Variants in MYC observed in about 807,000 individuals in gnomAD.
The protein encoded by MYC is MYC proto-oncogene, bHLH transcription factor, also known as myc proto-oncogene protein.
A neutral mutation model predicts 30.5 loss-of-function variants in MYC; 1 was observed. The observed-to-expected ratio is 0.03, with a 90% CI of 0.01 to 0.16. The LOEUF (loss-of-function observed/expected upper bound fraction) is 0.16. MYC is among the 10% of genes least tolerant of loss of function. The pLI is 1.00. For synonymous variants in MYC, 267 were observed against 250.7 expected (o/e 1.07, Z -0.62); for missense variants, 508 against 589.0 (o/e 0.86, Z 1.42).
chr8:127,740,297 T>G, intron 2 of MYC, 99 bp from the exon 3 acceptor site: 1 of 1,265,358 alleles, frequency 7.9e-7, no homozygotes, highest in East Asian at 2.5e-5. Flanking sequence ...GAGACCTTTC[T>G]AACGTATTCA....
chr8:127,737,445 T>C (rs901689056), intron 1 of MYC, among the ~76,000 whole-genome samples: 3 of 152,022 alleles, frequency 2.0e-5, no homozygotes, highest in East Asian at 3.9e-4. Flanking sequence ...AGCGGGGCTC[T>C]GGGCGGTTCC....
chr8:127,738,405 A>C lies in MYC; in HGVS notation c.188A>C (p.Asp63Ala), dbSNP rs751452834. ...CTGCAGCCCCCGGCGCCCAGCGAGG[A>C]TATCTGGAAGAAATTCGAGCTGCTG... Residue 63 changes from aspartate (D) to alanine (A), a missense_variant, in exon 2 of 3, where the codon GAT (aspartate) becomes GCT (alanine). Physicochemically the swap from Asp to Ala is moderately radical, Grantham distance 126. This residue lies in a region of MYC where 70 missense variants were observed against 84.5 expected (regional missense o/e 0.83). Transcript: ENST00000621592. The surrounding 1 kb of genome is among the most constrained non-coding windows in gnomAD (Gnocchi z 7.6). 1 of 1,613,732 alleles carries C rather than the reference A, an allele frequency of 6.2e-7. No homozygotes were observed. Among genetic ancestry groups the C allele is most frequent in the South Asian group, 1.1e-5 (1 of 91,030 alleles).
At position 127,736,451 on chromosome 8, in the gene MYC, G is replaced by A; in HGVS notation, c.-143G>A. The A allele has an allele frequency of 1.2e-6, 1 of 844,704 alleles. No individual in the cohort carries two copies. 52.3% of individuals were successfully genotyped at this position (844,704 alleles called of 1,614,324 possible). A position where few individuals can be genotyped will look rare whatever the true frequency, so the allele number is the denominator to read the frequency against. On this transcript the variant is annotated 5_prime_UTR_variant, in exon 1 of 3. Transcript: ENST00000621592. ...AAACTTTGCCCATAGCAGCGGGCGG[G>A]CACTTTGCACTGGAACTTACAACAC... is the stretch of plus-strand genomic sequence containing the variant.
In MYC at chr8:127,740,953, G is replaced by C; in HGVS notation, c.1360G>C (p.Ala454Pro). 1.3e-6 allele frequency: 2 copies of C among 1,554,358 alleles called. No individual in the cohort carries two copies. The highest frequency in any genetic ancestry group is 1.7e-6 in the Non-Finnish European group (2 of 1,155,080). ...ACTTGAACAGCTACGGAACTCTTGT[G>C]CGTAAGGAAAAGTAAGGAAAACGAT... The change falls in exon 3 of 3, where the codon GCG becomes CCG. Residue 454 changes from alanine (A) to proline (P), a missense_variant. Physicochemically the swap from Ala to Pro is conservative, Grantham distance 27 (BLOSUM62 -1). Around this residue, in one of 5 missense-constraint regions of MYC, gnomAD observed 31 missense variants for 28.3 expected, o/e 1.09. Transcript: ENST00000621592.
At chr8:127,736,133 T>C, upstream of MYC, 3 of 433,784 alleles carry the variant, frequency 6.9e-6, no homozygotes, top group Admixed American at 3.8e-5. Flanking sequence ...GCTCCCCTCC[T>C]GCCTCGAGAA....
At chr8:127,740,188 C>T (rs1228941707) in intron 2 of MYC, among the ~76,000 whole-genome samples, 3 of 152,042 alleles carry the variant, frequency 2.0e-5, no homozygotes, top group Non-Finnish European at 2.9e-5. Flanking sequence ...CTCCTGACCT[C>T]ACGATCCGCC....
chr8:127,736,589 A>G lies in MYC; in HGVS notation c.-5A>G, dbSNP rs753723304. 1.2e-6 allele frequency: 2 copies of G among 1,614,088 alleles called. No homozygotes were observed. Among genetic ancestry groups the G allele is most frequent in the African/African-American group, 2.7e-5 (2 of 74,942 alleles). On this transcript the variant is annotated 5_prime_UTR_variant, in exon 1 of 3. Coordinates refer to ENST00000621592, the MANE Select transcript of MYC (RefSeq NM_002467.6). ...TGAAAGGCTCTCCTTGCAGCTGCTT[A>G]GACGCTGGATTTTTTTCGGGTAGTG...
rs746692226 is a variant in MYC at position 127,740,739 on chromosome 8, G to A, written c.1146G>A (p.Arg382=). ...ACAACGTCTTGGAGCGCCAGAGGAG[G>A]AACGAGCTAAAACGGAGCTTTTTTG... The change falls in exon 3 of 3, where the codon AGG becomes AGA. Residue 382 remains arginine, a synonymous_variant. Coordinates refer to ENST00000621592, the MANE Select transcript of MYC (RefSeq NM_002467.6). 5 of 1,614,042 alleles carry A rather than the reference G, an allele frequency of 3.1e-6. No homozygotes were observed. The South Asian group carries it at 4.4e-5, about 14-fold the overall frequency.
chr8:127,735,931 TC>T (rs1327195180), upstream of MYC: 1 of 381,236 alleles, frequency 2.6e-6, no homozygotes, highest in Non-Finnish European at 4.6e-6. Flanking sequence ...CTCCCCACCT[TC>T]CCCACCCTCC....
chr8:127,736,727 T>G, intron 1 of MYC, 104 bp downstream of exon 1: 15 of 1,262,502 alleles, frequency 1.2e-5, no homozygotes, highest in Non-Finnish European at 1.5e-5. Flanking sequence ...ATTCCTGCGC[T>G]ATTGACACTT....
Position 127,738,202 on chromosome 8 carries a change from C to T in MYC, c.31-46C>T, listed in dbSNP as rs368747661. 6 of 1,528,210 alleles carry T rather than the reference C, an allele frequency of 3.9e-6. No homozygotes were observed. The African/African-American group carries it at 6.9e-5, about 18-fold the overall frequency. 94.7% of individuals were successfully genotyped at this position (1,528,210 alleles called of 1,614,324 possible). A position where few individuals can be genotyped will look rare whatever the true frequency, so the allele number is the denominator to read the frequency against. On this transcript the variant is annotated intron_variant, in intron 1 of 2. Transcript: ENST00000621592. This position sits in a 1 kb window ranked among gnomAD's most constrained non-coding sequence, Gnocchi z 7.6. ...GCTGCGCCAGGTTTCCGCACCAAGA[C>T]CCCTTTAACTCAAGACTGCCTCCCG... is the stretch of plus-strand genomic sequence containing the variant.
chr8:127,739,081 T>C (rs1395253532), intron 2 of MYC, 62 bp downstream of exon 2: 24 of 1,408,696 alleles, frequency 1.7e-5, no homozygotes, highest in Non-Finnish European at 2.2e-5. Context: ...CCATTTTCAT[T>C]GGCAGCTTAT....
At position 127,738,875 on chromosome 8, in the gene MYC, C is replaced by G. The variant is rs112602073; in HGVS notation, c.658C>G (p.Pro220Ala). Residue 220 changes from proline (P) to alanine (A), a missense_variant, in exon 2 of 3, where the codon CCC becomes GCC. By Grantham distance (27) the Pro-to-Ala change is conservative. Coordinates refer to ENST00000621592, the MANE Select transcript of MYC (RefSeq NM_002467.6). This position sits in a 1 kb window ranked among gnomAD's most constrained non-coding sequence, Gnocchi z 7.6. ...CTACCCTCTCAACGACAGCAGCTCGCCCAAGTCCTGCGCCTCGCAAGACTC... is the reference window on the plus strand; with the variant it reads ...CTACCCTCTCAACGACAGCAGCTCGGCCAAGTCCTGCGCCTCGCAAGACTC... The G allele has an allele frequency of 6.2e-7, 1 of 1,612,500 alleles. No homozygotes were observed. The highest frequency in any genetic ancestry group is 8.5e-7 in the Non-Finnish European group (1 of 1,180,002).
In MYC at chr8:127,736,237, C is replaced by T; in HGVS notation, c.-357C>T. 4 of 522,006 alleles carry T rather than the reference C, an allele frequency of 7.7e-6. No homozygotes were observed. Among genetic ancestry groups the T allele is most frequent in the South Asian group, 3.2e-5 (1 of 31,006 alleles). The allele number at this position is 522,006 out of a possible 1,614,324, so 32.3% of individuals were successfully genotyped here. A position where few individuals can be genotyped will look rare whatever the true frequency, so the allele number is the denominator to read the frequency against. ...GGTTTTCGGGGCTTTATCTAACTCGCTGTAGTAATTCCAGCGAGAGGCAGA... is the reference window on the plus strand; with the variant it reads ...GGTTTTCGGGGCTTTATCTAACTCGTTGTAGTAATTCCAGCGAGAGGCAGA... On this transcript the variant is annotated 5_prime_UTR_variant, in exon 1 of 3. Transcript: ENST00000621592.
chr8:127,735,740 T>C, upstream of MYC: 1 of 399,060 alleles, frequency 2.5e-6, no homozygotes, highest in East Asian at 3.6e-5. Flanking sequence ...CTGCGATGAT[T>C]TATACTCACA....
rs1218223151 is a variant in MYC at position 127,742,917 on chromosome 8, C to T, written c.*1959C>T. On this transcript the variant is annotated 3_prime_UTR_variant, in exon 3 of 3. Coordinates refer to ENST00000621592, the MANE Select transcript of MYC (RefSeq NM_002467.6). ...TGTACTTTGGGATTTTAATCTACCA[C>T]CACCCATAAATCAATAAATAATTAC... is the stretch of plus-strand genomic sequence containing the variant. 6.6e-6 allele frequency among the ~76,000 whole-genome samples: 1 copy of T among 152,192 alleles called. No individual in the cohort carries two copies. The highest frequency in any genetic ancestry group is 1.5e-5 in the Non-Finnish European group (1 of 68,042).
At chr8:127,735,838 T>A, upstream of MYC, 1 of 398,880 alleles carries the variant, frequency 2.5e-6, no homozygotes, top group Non-Finnish European at 4.4e-6. Flanking sequence ...AAGAAAATGG[T>A]AGGCGCGCGT....
At chr8:127,737,527 C>G (rs1813615355) in intron 1 of MYC, among the ~76,000 whole-genome samples, 1 of 152,310 alleles carries the variant, frequency 6.6e-6, no homozygotes, top group South Asian at 2.1e-4. Context: ...GCAGTTGCAT[C>G]TCCGTATTGA....
At chr8:127,736,060 A>C (rs1748639563), upstream of MYC, 3 of 402,344 alleles carry the variant, frequency 7.5e-6, no homozygotes, top group South Asian at 3.6e-4. Context: ...GAGGGTCTGG[A>C]CGGCTGAGGA....
Sources: allele counts gnomAD v4.1 joint callset (sites outside exome capture counted in the v4.1 genomes callset), GRCh38; gene constraint gnomAD v4.1.1; regional missense constraint gnomAD v4.1.1; non-coding constraint Gnocchi (gnomAD v3.1); transcripts MANE v1.5; gene names NCBI Gene and HGNC (gene_info 2026-07-23, HGNC 2026-07-21).